NRG3: variants seen among roughly 807,000 people sequenced by gnomAD.
NRG3 encodes the protein pro-neuregulin-3, membrane-bound isoform.
In NRG3, 31 loss-of-function variants were observed where a neutral mutation model predicts 66.9. The ratio of observed to expected loss-of-function variants is 0.46; its 90% confidence interval spans 0.35 to 0.63. NRG3 has a LOEUF of 0.63. Ranked by LOEUF, NRG3 falls within the 20% of genes least tolerant of loss-of-function variation. The probability of loss-of-function intolerance (pLI) is 0.00; values close to 1 mark genes in which losing one functional copy is unlikely to be tolerated. For synonymous variants in NRG3, 393 were observed against 359.4 expected, an observed-to-expected ratio of 1.09 and a Z score of -1.06; for missense variants, 910 against 878.9, an observed-to-expected ratio of 1.04 and a Z score of -0.45.
intron 2 of NRG3, among the ~76,000 whole-genome samples, chr10:82,500,507 A>C (rs187399809): frequency 6.6e-6 from 1 of 152,312 alleles, no homozygotes; most frequent in Non-Finnish European, 1.5e-5. Flanking sequence ...TTATTTCAGC[A>C]GTTTCAATTG....
At chr10:82,374,199 C>T (rs899691063) in intron 2 of NRG3, among the ~76,000 whole-genome samples, 2 of 152,130 alleles carry the variant, frequency 1.3e-5, no homozygotes, top group African/African-American at 4.8e-5. Flanking sequence ...CAAAAGCTTA[C>T]ACCCTTTCTA....
intron 3 of NRG3, among the ~76,000 whole-genome samples, chr10:82,775,492 T>G (rs12416518): frequency 0.076 from 11,570 of 152,208 alleles, 570 homozygotes; most frequent in South Asian, 0.14. Context: ...GATTTCTATC[T>G]ACTCAAATTT....
At chr10:82,115,458 A>G (rs2067650917) in intron 1 of NRG3, among the ~76,000 whole-genome samples, 1 of 152,172 alleles carries the variant, frequency 6.6e-6, no homozygotes, top group African/African-American at 2.4e-5. Flanking sequence ...TACTGTTTTT[A>G]AGGAGGCTGA....
chr10:82,348,357 G>A (rs1250324931), intron 1 of NRG3, among the ~76,000 whole-genome samples: 3 of 145,844 alleles, frequency 2.1e-5, no homozygotes, highest in Admixed American at 6.8e-5. Context: ...GAAATTCTGG[G>A]TTGAAAATTC....
At chr10:82,621,057 A>C (rs115593821) in intron 2 of NRG3, among the ~76,000 whole-genome samples, 2 of 152,092 alleles carry the variant, frequency 1.3e-5, no homozygotes, top group Non-Finnish European at 2.9e-5. Flanking sequence ...GAGCTTAATT[A>C]ATTGCCCAGT....
At chr10:82,802,072 C>G (rs976672370) in intron 3 of NRG3, among the ~76,000 whole-genome samples, 1 of 152,158 alleles carries the variant, frequency 6.6e-6, no homozygotes, top group African/African-American at 2.4e-5. Context: ...AAACAGCAGT[C>G]ATCTAGGTAA....
chr10:82,772,704 CTTTT>C (rs745609399), intron 3 of NRG3, among the ~76,000 whole-genome samples: 1 of 111,726 alleles, frequency 9.0e-6, no homozygotes, highest in African/African-American at 3.7e-5. Flanking sequence ...GCTTCCATAT[CTTTT>C]TTTTTTTTTT....
intron 1 of NRG3, among the ~76,000 whole-genome samples, chr10:81,887,809 G>C (rs992531233): frequency 6.6e-6 from 1 of 152,116 alleles, no homozygotes; most frequent in Non-Finnish European, 1.5e-5. Context: ...TCAAGATGGT[G>C]ATTATCTTTG....
intron 6 of NRG3, among the ~76,000 whole-genome samples, chr10:82,967,714 C>T (rs187739149): frequency 3.5e-4 from 53 of 152,260 alleles, no homozygotes; most frequent in Non-Finnish European, 5.9e-4. Flanking sequence ...CAGGAGTAGG[C>T]AATTGTTATT....
intron 1 of NRG3, among the ~76,000 whole-genome samples, chr10:82,087,354 T>A (rs1161380876): frequency 1.3e-5 from 2 of 152,136 alleles, no homozygotes; most frequent in Admixed American, 6.5e-5. Flanking sequence ...TTTGTGAAGC[T>A]TTTCCTGACC....
At chr10:82,357,737 T>C (rs1021429841) in intron 1 of NRG3, among the ~76,000 whole-genome samples, 3 of 152,178 alleles carry the variant, frequency 2.0e-5, no homozygotes, top group Non-Finnish European at 4.4e-5. Flanking sequence ...ATCATCAACA[T>C]ATGATTTTGA....
intron 2 of NRG3, among the ~76,000 whole-genome samples, chr10:82,486,419 A>AT (rs138794119): frequency 0.069 from 10,119 of 147,102 alleles, 686 homozygotes; most frequent in East Asian, 0.17. Context: ...CCTATAATGG[A>AT]TTTTTTTTTT....
chr10:82,349,052 C>T (rs1395060631), intron 1 of NRG3, among the ~76,000 whole-genome samples: 1 of 152,042 alleles, frequency 6.6e-6, no homozygotes, highest in Non-Finnish European at 1.5e-5. Context: ...TCTTCTAAAG[C>T]CTTCTCTCAG....
chr10:81,913,052 G>T (rs1368424907), intron 1 of NRG3, among the ~76,000 whole-genome samples: 2 of 149,732 alleles, frequency 1.3e-5, no homozygotes, highest in Non-Finnish European at 2.9e-5. Context: ...AAAGGGAGAT[G>T]ATTGTAGGCA....
intron 1 of NRG3, among the ~76,000 whole-genome samples, chr10:82,019,814 T>G (rs887842767): frequency 2.6e-5 from 4 of 152,178 alleles, no homozygotes; most frequent in African/African-American, 9.6e-5. Flanking sequence ...TGTGTCTATT[T>G]GATTCTTCTC....
rs867298896 is a variant in NRG3, at chr10:82,638,756, C to T, written c.954-99821C>T. ...CCACCTCGCAGGTTCAAGTGATTCT[C>T]CTGCCTTAGCCTCCCAAGTAGCTGG... On this transcript the variant is annotated intron_variant, in intron 2 of 8. Coordinates refer to ENST00000372141, the MANE Select transcript of NRG3 (RefSeq NM_001010848.4). 3.4e-4 allele frequency among the ~76,000 whole-genome samples: 51 copies of T among 152,172 alleles called. 1 individual carries two copies. Among genetic ancestry groups the T allele is most frequent in the African/African-American group, 1.2e-3 (48 of 41,524 alleles).
intron 2 of NRG3, among the ~76,000 whole-genome samples, chr10:82,408,870 A>G (rs1401615797): frequency 1.3e-5 from 2 of 152,050 alleles, no homozygotes; most frequent in African/African-American, 4.8e-5. Flanking sequence ...TTTGCAGAAT[A>G]GGAAATCTAT....
chr10:82,202,935 C>G (rs555657243), intron 1 of NRG3, among the ~76,000 whole-genome samples: 2 of 152,228 alleles, frequency 1.3e-5, no homozygotes, highest in East Asian at 3.9e-4. Context: ...CATTTGTGGA[C>G]AACAAGCTGT....
intron 2 of NRG3, among the ~76,000 whole-genome samples, chr10:82,697,962 C>T (rs1320810611): frequency 2.0e-5 from 3 of 151,974 alleles, no homozygotes; most frequent in East Asian, 1.9e-4. Flanking sequence ...CCCTGTCTTA[C>T]GAAAGGGAGA....
Sources: allele counts gnomAD v4.1 joint callset (sites outside exome capture counted in the v4.1 genomes callset), GRCh38; gene constraint gnomAD v4.1.1; transcripts MANE v1.5; gene names NCBI Gene and HGNC (gene_info 2026-07-23, HGNC 2026-07-21).